Variants in MAP3K5 observed in about 807,000 individuals in gnomAD.
The protein encoded by MAP3K5 is ASK-1.
In MAP3K5, 56 loss-of-function variants were observed where a neutral mutation model predicts 158.7. That is an observed-to-expected ratio of 0.35 (90% CI 0.28 to 0.44). The LOEUF is 0.44. Among genes scored for constraint, MAP3K5 ranks in the 20% least tolerant of loss-of-function variants. The probability of loss-of-function intolerance (pLI) is 1.00; values close to 1 mark genes in which losing one functional copy is unlikely to be tolerated. For synonymous variants in MAP3K5, 579 were observed against 601.7 expected (o/e 0.96, Z 0.55); for missense variants, 1,294 against 1,674.8 (o/e 0.77, Z 3.97).
chr6:136,697,180 T>C (rs760853028), intron 5 of MAP3K5, 39 bp downstream of exon 5: 3 of 1,578,482 alleles, frequency 1.9e-6, no homozygotes, highest in African/African-American at 2.7e-5. Flanking sequence ...CCCTCCAACA[T>C]GCTACACAAC....
intron 14 of MAP3K5, among the ~76,000 whole-genome samples, chr6:136,634,753 G>A (rs762740503): frequency 4.0e-5 from 6 of 151,812 alleles, no homozygotes; most frequent in Non-Finnish European, 7.4e-5. Flanking sequence ...CTAAAGTAGA[G>A]ACAGGGTTTC....
chr6:136,619,977 A>G (rs939218507), intron 15 of MAP3K5, among the ~76,000 whole-genome samples: 13 of 152,212 alleles, frequency 8.5e-5, no homozygotes, highest in Non-Finnish European at 2.9e-5. Flanking sequence ...GGGAATAAAA[A>G]TTGGGTTCAC....
intron 8 of MAP3K5, among the ~76,000 whole-genome samples, chr6:136,663,604 C>T (rs1329533760): frequency 7.1e-6 from 1 of 140,820 alleles, no homozygotes; most frequent in Non-Finnish European, 1.5e-5. Context: ...CTAAATTTCT[C>T]ACTTTTTTTT....
At chr6:136,614,826 G>T (rs1776495510) in intron 15 of MAP3K5, among the ~76,000 whole-genome samples, 1 of 151,984 alleles carries the variant, frequency 6.6e-6, no homozygotes, top group Admixed American at 6.6e-5. Context: ...TTCCTGAAAG[G>T]CCCGTCAATT....
chr6:136,779,220 C>G (rs566465327), intron 1 of MAP3K5, among the ~76,000 whole-genome samples: 98 of 152,058 alleles, frequency 6.4e-4, no homozygotes, highest in Middle Eastern at 3.4e-3. Context: ...ATACTCCAGC[C>G]TGGGTATAGA....
intron 12 of MAP3K5, 51 bp downstream of exon 12, chr6:136,642,469 T>G (rs147110174): frequency 2.5e-6 from 3 of 1,223,132 alleles, no homozygotes; most frequent in East Asian, 2.3e-5. Flanking sequence ...AGCCCATGAA[T>G]AGTGGAGAAA....
chr6:136,583,416 G>A, intron 24 of MAP3K5, 139 bp downstream of exon 24: 1 of 748,348 alleles, frequency 1.3e-6, no homozygotes, highest in Non-Finnish European at 2.1e-6. Flanking sequence ...ACACTGAGAG[G>A]CGAATATCTC....
intron 21 of MAP3K5, among the ~76,000 whole-genome samples, chr6:136,597,203 G>C (rs1371454294): frequency 6.6e-6 from 1 of 152,220 alleles, no homozygotes; most frequent in African/African-American, 2.4e-5. Context: ...TATCCCCTAA[G>C]AGATAGCTTT....
chr6:136,698,548 G>A lies in MAP3K5; in HGVS notation c.747C>T (p.Ile249=). ...QPNFELLLGP[I]CLPLVDRFIQ... ...TAAAACGATCCACAAGAGGTAAGCA[G>A]ATGGGTCCAAGAAGCAGCTCGAAGT... The change falls in exon 4 of 30, where the codon ATC becomes ATT. Residue 249 remains isoleucine (I), a synonymous_variant. Coordinates refer to ENST00000359015, the MANE Select transcript of MAP3K5 (RefSeq NM_005923.4). 2 of 1,614,068 alleles carry A rather than the reference G, an allele frequency of 1.2e-6. No individual in the cohort carries two copies. The highest frequency in any genetic ancestry group is 1.7e-6 in the Non-Finnish European group (2 of 1,179,966).
At chr6:136,742,818 G>A (rs1255384603) in intron 1 of MAP3K5, among the ~76,000 whole-genome samples, 5 of 152,136 alleles carry the variant, frequency 3.3e-5, no homozygotes, top group African/African-American at 9.7e-5. Context: ...GAAAACAAAC[G>A]ATGAGATTAA....
chr6:136,777,464 T>C (rs1323641795), intron 1 of MAP3K5, among the ~76,000 whole-genome samples: 1 of 152,222 alleles, frequency 6.6e-6, no homozygotes, highest in Non-Finnish European at 1.5e-5. Flanking sequence ...CTACTGTCCA[T>C]ATTTGAAACC....
Position 136,613,185 on chromosome 6 carries a change from T to C in MAP3K5, c.2350A>G (p.Thr784Ala). ...TTTAATCCTTCCAGTATTTGCTTTG[T>C]ATAAAAGCCAATTGTTTGCTCATTG... ...KDNEQTIGFY[T>A]KQILEGLKYL... Residue 784 changes from threonine (T) to alanine (A), a missense_variant, in exon 17 of 30, where the codon ACA becomes GCA. This residue lies in a region of MAP3K5 where 41 missense variants were observed against 98.2 expected (regional missense o/e 0.42). Coordinates refer to ENST00000359015, the MANE Select transcript of MAP3K5 (RefSeq NM_005923.4). The surrounding 1 kb of genome is among the most constrained non-coding windows in gnomAD (Gnocchi z 4.0). 1.9e-6 allele frequency: 3 copies of C among 1,613,472 alleles called. No individual in the cohort carries two copies. The highest frequency in any genetic ancestry group is 2.5e-6 in the Non-Finnish European group (3 of 1,179,586).
intron 1 of MAP3K5, among the ~76,000 whole-genome samples, chr6:136,754,642 C>G (rs1364504641): frequency 6.6e-6 from 1 of 152,042 alleles, no homozygotes; most frequent in Non-Finnish European, 1.5e-5. Context: ...ATAGGGCTCC[C>G]CCACCCTATG....
At chr6:136,625,905 A>G (rs1583293482) in intron 14 of MAP3K5, among the ~76,000 whole-genome samples, 1 of 152,144 alleles carries the variant, frequency 6.6e-6, no homozygotes, top group Non-Finnish European at 1.5e-5. Flanking sequence ...AATATTTAAA[A>G]ATGAGAAGAT....
chr6:136,720,106 G>A (rs555711200), intron 2 of MAP3K5, among the ~76,000 whole-genome samples: 42 of 152,184 alleles, frequency 2.8e-4, no homozygotes, highest in Non-Finnish European at 2.6e-4. Flanking sequence ...GAGACTGGTG[G>A]GCACCATGAA....
chr6:136,570,788 C>T (rs1382880306), intron 25 of MAP3K5, among the ~76,000 whole-genome samples: 1 of 152,206 alleles, frequency 6.6e-6, no homozygotes, highest in African/African-American at 2.4e-5. Context: ...CTCTGCCCAT[C>T]AACAACTCCC....
intron 23 of MAP3K5, 25 bp downstream of exon 23, chr6:136,592,148 A>G: frequency 1.3e-6 from 2 of 1,538,298 alleles, no homozygotes; most frequent in Non-Finnish European, 1.7e-6. Context: ...CCTTTGGGAA[A>G]TGAAGCACCT....
At chr6:136,576,918 C>A (rs1774646586) in intron 25 of MAP3K5, among the ~76,000 whole-genome samples, 1 of 151,850 alleles carries the variant, frequency 6.6e-6, no homozygotes, top group South Asian at 2.1e-4. Flanking sequence ...ACACACCATA[C>A]AAATTTGTAG....
chr6:136,664,358 G>A (rs1197907777), intron 8 of MAP3K5, among the ~76,000 whole-genome samples: 1 of 152,026 alleles, frequency 6.6e-6, no homozygotes, highest in African/African-American at 2.4e-5. Context: ...ATGGAGAGTT[G>A]TATAATTATT....
Sources: allele counts gnomAD v4.1 joint callset (sites outside exome capture counted in the v4.1 genomes callset), GRCh38; gene constraint gnomAD v4.1.1; regional missense constraint gnomAD v4.1.1; non-coding constraint Gnocchi (gnomAD v3.1); transcripts MANE v1.5; gene names NCBI Gene and HGNC (gene_info 2026-07-23, HGNC 2026-07-21).